R3HDM4: variants seen among roughly 807,000 people sequenced by gnomAD.
R3HDM4 encodes R3H domain containing 4.
R3HDM4 carries 30 observed loss-of-function variants against 31.3 expected under a neutral mutation model. That is an observed-to-expected ratio of 0.96 (90% CI 0.72 to 1.30). The LOEUF is 1.30. R3HDM4 is among the 50% of genes most tolerant of loss of function. The probability of loss-of-function intolerance (pLI) is 0.00; values close to 1 mark genes in which losing one functional copy is unlikely to be tolerated. For synonymous variants in R3HDM4, 196 were observed against 156.6 expected (o/e 1.25, Z -1.88); for missense variants, 444 against 366.1 (o/e 1.21, Z -1.74).
chr19:897,497 C>A lies in R3HDM4; in HGVS notation c.747G>T (p.Arg249=), dbSNP rs757466180. ...GCCCCGGCGGCAGGAAATCCAGGTG[C>A]CGATTACTGACCTTCATCTGCCGCT... ...EGKRQMKVSN[R]HLDFLPPGLL... is the part of the protein sequence containing the mutation. Residue 249 remains arginine, a synonymous_variant, in exon 8 of 8, where the codon CGG becomes CGT. Transcript: ENST00000361574. 5 of 1,613,222 alleles carry A rather than the reference C, an allele frequency of 3.1e-6. No homozygotes were observed. Among genetic ancestry groups the A allele is most frequent in the Non-Finnish European group, 4.2e-6 (5 of 1,179,778 alleles).
At chr19:904,679 G>C (rs1038221247) in intron 1 of R3HDM4, among the ~76,000 whole-genome samples, 3 of 152,058 alleles carry the variant, frequency 2.0e-5, no homozygotes, top group African/African-American at 7.2e-5. Flanking sequence ...AGGAGGCTGA[G>C]GAGGGAGGAT....
chr19:904,977 TAGGTGGATCACTTG>T (rs2036884148), intron 1 of R3HDM4, among the ~76,000 whole-genome samples: 1 of 150,972 alleles, frequency 6.6e-6, no homozygotes, highest in Admixed American at 6.6e-5. Context: ...GAGGCCAAGG[TAGGTGGATCACTTG>T]AGGTCAGGAG....
chr19:902,728 A>AG lies in R3HDM4; in HGVS notation c.72-599dup, dbSNP rs1199162514. The stretch of plus-strand genomic sequence containing the variant: ...CAAGGTGGGTGGATCACTTGAGGTC[A>AG]GGGGTTGAAGACCAGCCTGGCCAAC... On this transcript the variant is annotated intron_variant, in intron 1 of 7. Transcript: ENST00000361574. The AG allele has an allele frequency of 1.9e-4, 29 of 152,518 alleles. 1 individual carries two copies. The highest frequency in any genetic ancestry group is 1.9e-3 in the Admixed American group (29 of 15,310). The allele number at this position is 152,518 out of a possible 1,614,324, so 9.4% of individuals were successfully genotyped here.
intron 1 of R3HDM4, among the ~76,000 whole-genome samples, chr19:912,402 A>AC (rs2036987258): frequency 1.0e-5 from 1 of 95,284 alleles, no homozygotes; most frequent in Admixed American, 1.1e-4. Flanking sequence ...GGGGGCGAAG[A>AC]CCAGAGAGTA....
chr19:910,853 C>T lies in R3HDM4; in HGVS notation c.71+2234G>A, dbSNP rs1410185420. ...AAAATAATACTAGCCGGCGCGGTGGCTCACGCCTGTAATCCCAGCACTTTG... is the reference window on the plus strand; with the variant it reads ...AAAATAATACTAGCCGGCGCGGTGGTTCACGCCTGTAATCCCAGCACTTTG... On this transcript the variant is annotated intron_variant, in intron 1 of 7. Coordinates refer to ENST00000361574, the MANE Select transcript of R3HDM4 (RefSeq NM_138774.4). Among the ~76,000 whole-genome samples, 5 of 152,170 alleles carry T rather than the reference C, an allele frequency of 3.3e-5. No homozygotes were observed. In the South Asian group the frequency reaches 1.0e-3, roughly 32 times the overall value.
rs201880872 is a variant in R3HDM4, at chr19:902,022, G to C, written c.180C>G (p.Leu60=). 2.5e-6 allele frequency: 4 copies of C among 1,613,896 alleles called. No individual in the cohort carries two copies. The Admixed American group carries it at 6.7e-5, about 27-fold the overall frequency. The change falls in exon 2 of 8, where the codon CTC becomes CTG. Residue 60 remains leucine, a synonymous_variant. Transcript: ENST00000361574. ...TCTTCCGCCCCTTGGCCTTGGGCAC[G>C]AGGTCTGAGTTCCGCACTGCCTGGT... ...FINQAVRNSD[L]VPKAKGRKSL...
At chr19:898,229 A>ATATAT (rs1555720571) in intron 7 of R3HDM4, among the ~76,000 whole-genome samples, 1 of 140,650 alleles carries the variant, frequency 7.1e-6, no homozygotes, top group African/African-American at 2.6e-5. Flanking sequence ...TAAAAAAAAA[A>ATATAT]ATATATATAT....
chr19:904,899 C>T (rs915948675), intron 1 of R3HDM4, among the ~76,000 whole-genome samples: 1 of 152,094 alleles, frequency 6.6e-6, no homozygotes, highest in African/African-American at 2.4e-5. Flanking sequence ...GCTGTTACAT[C>T]TCAATCAAAA....
chr19:904,245 G>C, intron 1 of R3HDM4, among the ~76,000 whole-genome samples: 1 of 152,084 alleles, frequency 6.6e-6, no homozygotes, highest in East Asian at 1.9e-4. Flanking sequence ...CTGCTTCCAA[G>C]ACACGATTTC....
At chr19:905,227 G>A (rs1013807231) in intron 1 of R3HDM4, among the ~76,000 whole-genome samples, 3 of 151,210 alleles carry the variant, frequency 2.0e-5, no homozygotes, top group African/African-American at 7.3e-5. Flanking sequence ...AAGTACGCTG[G>A]GCGCAGTGGC....
intron 4 of R3HDM4, among the ~76,000 whole-genome samples, chr19:900,376 C>T (rs1599357148): frequency 1.3e-5 from 2 of 151,984 alleles, no homozygotes; most frequent in East Asian, 3.9e-4. Flanking sequence ...TGTATGTTCA[C>T]CCCAGCTAGA....
Position 899,423 on chromosome 19 carries a change from G to A in R3HDM4, c.703+17C>T, listed in dbSNP as rs1599356248. 6.2e-7 allele frequency: 1 copy of A among 1,613,410 alleles called. No individual in the cohort carries two copies. The highest frequency in any genetic ancestry group is 8.5e-7 in the Non-Finnish European group (1 of 1,179,804). On this transcript the variant is annotated intron_variant, in intron 7 of 7. Transcript: ENST00000361574. The surrounding 1 kb of genome is among the most constrained non-coding windows in gnomAD (Gnocchi z 6.8). ...TGAGCTGGCCAACTTGGGGTCTTGG[G>A]GGCCACCGGCACTTACTGGCCGAGA...
chr19:910,003 A>G (rs2036952240), intron 1 of R3HDM4, among the ~76,000 whole-genome samples: 1 of 151,602 alleles, frequency 6.6e-6, no homozygotes, highest in East Asian at 1.9e-4. Context: ...TAGGCAACAT[A>G]GTAAGACCCT....
At position 907,397 on chromosome 19, in the gene R3HDM4, G is replaced by A. The variant is rs913885284; in HGVS notation, c.72-5267C>T. Among the ~76,000 whole-genome samples, 3 of 152,030 alleles carry A rather than the reference G, an allele frequency of 2.0e-5. No homozygotes were observed. Among genetic ancestry groups the A allele is most frequent in the Non-Finnish European group, 2.9e-5 (2 of 67,984 alleles). Reference sequence around the variant, plus strand: ...GCCTACTTCTCCACCCCAGCAGCTGGACAGGGCCGATAACAGAAGTGACAT... The same window carrying A: ...GCCTACTTCTCCACCCCAGCAGCTGAACAGGGCCGATAACAGAAGTGACAT... On this transcript the variant is annotated intron_variant, in intron 1 of 7. Coordinates refer to ENST00000361574, the MANE Select transcript of R3HDM4 (RefSeq NM_138774.4). The surrounding 1 kb of genome is among the most constrained non-coding windows in gnomAD (Gnocchi z 4.1).
At chr19:900,304 C>T (rs1376461480) in intron 4 of R3HDM4, among the ~76,000 whole-genome samples, 158 bp from the exon 5 acceptor site, 1 of 151,958 alleles carries the variant, frequency 6.6e-6, no homozygotes, top group Non-Finnish European at 1.5e-5. Context: ...CCCCATCCAG[C>T]CAGCAGACCC....
intron 1 of R3HDM4, among the ~76,000 whole-genome samples, chr19:903,698 G>A (rs1429199443): frequency 2.0e-5 from 3 of 152,298 alleles, no homozygotes; most frequent in African/African-American, 7.2e-5. Context: ...TGAGGCTGCG[G>A]TGAGCTGTGA....
intron 1 of R3HDM4, among the ~76,000 whole-genome samples, chr19:903,813 G>A (rs2036868907): frequency 6.6e-6 from 1 of 152,088 alleles, no homozygotes; most frequent in Admixed American, 6.5e-5. Context: ...CACTTTGGGA[G>A]GCCGAGGCGG....
chr19:909,448 A>C (rs2036945578), intron 1 of R3HDM4, among the ~76,000 whole-genome samples: 1 of 152,100 alleles, frequency 6.6e-6, no homozygotes, highest in African/African-American at 2.4e-5. Context: ...GACGGCTGAG[A>C]GCGGAAACAT....
chr19:900,975 G>C, intron 3 of R3HDM4, 23 bp from the exon 4 acceptor site: 1 of 1,544,992 alleles, frequency 6.5e-7, no homozygotes, highest in Non-Finnish European at 8.7e-7. Flanking sequence ...CAGGGAGGCA[G>C]GCTTGCCATG....
Sources: allele counts gnomAD v4.1 joint callset (sites outside exome capture counted in the v4.1 genomes callset), GRCh38; gene constraint gnomAD v4.1.1; non-coding constraint Gnocchi (gnomAD v3.1); transcripts MANE v1.5; gene names NCBI Gene and HGNC (gene_info 2026-07-23, HGNC 2026-07-21).